FSIP2: variants seen among roughly 807,000 people sequenced by gnomAD.
FSIP2 encodes fibrous sheath interacting protein 2.
In FSIP2, 367 loss-of-function variants were observed where a neutral mutation model predicts 510.5. That is an observed-to-expected ratio of 0.72 (90% CI 0.66 to 0.78). The LOEUF (loss-of-function observed/expected upper bound fraction) is 0.78, where lower values mean the gene tolerates loss of function less well. FSIP2 is among the 30% of genes least tolerant of loss of function. The pLI is 0.00. For missense variants in FSIP2, 7,594 were observed against 7,901.7 expected (o/e 0.96, Z 1.48); for synonymous variants, 2,601 against 2,732.2 (o/e 0.95, Z 1.50).
Position 185,793,577 on chromosome 2 carries a change from T to C in FSIP2, c.6441T>C (p.Val2147=), listed in dbSNP as rs747853496. Residue 2147 remains valine (V), a synonymous_variant, in exon 16 of 23, where the codon GTT becomes GTC. Transcript: ENST00000424728. ...ATAAGATTATTCCTAAGCTTTCAGT[T>C]CCTAAATCAGATGTCATTTTGATAT... ...GANKIIPKLS[V]PKSDVILISN... 8.3e-5 allele frequency: 127 copies of C among 1,534,188 alleles called. No individual in the cohort carries two copies. Among genetic ancestry groups the C allele is most frequent in the Non-Finnish European group, 1.0e-4 (120 of 1,145,666 alleles).
chr2:185,794,805 T>A lies in FSIP2; in HGVS notation c.7669T>A (p.Ser2557Thr). ...GAAAATGTACTTGGTAGTTGTGACA[T>A]CATTATATGAAAATAATAAAAGTAG... is the stretch of plus-strand genomic sequence containing the variant. ...LGKMYLVVVT[S>T]LYENNKSRTE... is the part of the protein sequence containing the mutation. The change falls in exon 16 of 23, where the codon TCA (serine) becomes ACA (threonine). Residue 2557 changes from serine to threonine, a missense_variant. Coordinates refer to ENST00000424728, the MANE Select transcript of FSIP2 (RefSeq NM_173651.4). 2.0e-6 allele frequency: 3 copies of A among 1,532,920 alleles called. No individual in the cohort carries two copies. Among genetic ancestry groups the A allele is most frequent in the Non-Finnish European group, 2.6e-6 (3 of 1,144,762 alleles). 95.0% of individuals were successfully genotyped at this position (1,532,920 alleles called of 1,614,324 possible).
chr2:185,767,304 A>G (rs1692508137), intron 13 of FSIP2, among the ~76,000 whole-genome samples: 1 of 151,628 alleles, frequency 6.6e-6, no homozygotes, highest in African/African-American at 2.4e-5. Context: ...TGTACCCTAA[A>G]ACTTAAAGTA....
chr2:185,823,726 A>T (rs898876313), intron 19 of FSIP2, among the ~76,000 whole-genome samples: 29 of 151,896 alleles, frequency 1.9e-4, no homozygotes, highest in East Asian at 9.8e-4. Context: ...TGATCAAGCA[A>T]TTCTACTTCT....
rs554111494 is a variant in FSIP2, at chr2:185,805,838, C to T, written c.16532C>T (p.Ala5511Val). ...SGMINLTSGL[A>V]TGVTNKKEVD... Reference sequence around the variant, plus strand: ...ATGATTAACCTAACATCAGGGTTGGCTACAGGTGTGACAAATAAAAAGGAA... The same window carrying T: ...ATGATTAACCTAACATCAGGGTTGGTTACAGGTGTGACAAATAAAAAGGAA... Residue 5511 changes from alanine to valine, a missense_variant, in exon 17 of 23, where the codon GCT (alanine) becomes GTT (valine). Ala to Val is a moderately conservative substitution (Grantham distance 64, BLOSUM62 0). Coordinates refer to ENST00000424728, the MANE Select transcript of FSIP2 (RefSeq NM_173651.4). The T allele has an allele frequency of 7.5e-6, 12 of 1,609,098 alleles. No homozygotes were observed. In the South Asian group the frequency reaches 1.0e-4, roughly 13 times the overall value.
At chr2:185,823,854 A>G (rs1328379965) in intron 19 of FSIP2, among the ~76,000 whole-genome samples, 1 of 151,840 alleles carries the variant, frequency 6.6e-6, no homozygotes. Flanking sequence ...AATAAATATA[A>G]ACAAGCAAAA....
At chr2:185,752,782 C>CTGAAA (rs1692173932) in intron 7 of FSIP2, among the ~76,000 whole-genome samples, 1 of 151,156 alleles carries the variant, frequency 6.6e-6, no homozygotes, top group African/African-American at 2.4e-5. Flanking sequence ...TTTTTGAGTC[C>CTGAAA]ATTTCAGTTG....
rs138323576 is a variant in FSIP2 at position 185,832,525 on chromosome 2, G to A, written c.20588-565G>A. On this transcript the variant is annotated intron_variant, in intron 22 of 22. Transcript: ENST00000424728. ...AACACAGGATTTTAGTGGCCCTATC[G>A]CAACTTATTAAGTATCAGAAAAGTA... 9.2e-5 allele frequency among the ~76,000 whole-genome samples: 14 copies of A among 151,748 alleles called. No individual in the cohort carries two copies. In the South Asian group the frequency reaches 1.2e-3, roughly 14 times the overall value.
chr2:185,746,882 C>A, intron 6 of FSIP2, 72 bp downstream of exon 6: 1 of 1,102,132 alleles, frequency 9.1e-7, no homozygotes. Flanking sequence ...ATAATTTTAA[C>A]TGTACATTGT....
chr2:185,813,059 AAAGTGGAGG>A (rs1693766948), intron 17 of FSIP2, among the ~76,000 whole-genome samples: 1 of 152,114 alleles, frequency 6.6e-6, no homozygotes, highest in Non-Finnish European at 1.5e-5. Flanking sequence ...CAAAAGATCA[AAAGTGGAGG>A]AATAGGGAGT....
In FSIP2 at chr2:185,805,436, C is replaced by T; in HGVS notation, c.16130C>T (p.Ala5377Val). ...DIQKGDESNI[A>V]IGMIAALTQK... ...CAAAAAGGTGATGAAAGTAACATTG[C>T]TATAGGGATGATTGCTGCTCTAACC... The change falls in exon 17 of 23, where the codon GCT becomes GTT. Residue 5377 changes from alanine (A) to valine (V), a missense_variant. Coordinates refer to ENST00000424728, the MANE Select transcript of FSIP2 (RefSeq NM_173651.4). The T allele has an allele frequency of 6.2e-7, 1 of 1,609,348 alleles. No individual in the cohort carries two copies. The highest frequency in any genetic ancestry group is 8.5e-7 in the Non-Finnish European group (1 of 1,177,618).
chr2:185,802,387 G>A lies in FSIP2; in HGVS notation c.13081G>A (p.Ala4361Thr). The A allele has an allele frequency of 2.0e-6, 3 of 1,531,982 alleles. No homozygotes were observed. The highest frequency in any genetic ancestry group is 2.6e-6 in the Non-Finnish European group (3 of 1,144,602). 94.9% of individuals were successfully genotyped at this position (1,531,982 alleles called of 1,614,324 possible). A position where few individuals can be genotyped will look rare whatever the true frequency, so the allele number is the denominator to read the frequency against. ...IHILYDDKEQ[A>T]FFSFNTDIVD... ...CATTCTCTATGATGACAAAGAACAG[G>A]CTTTCTTTTCTTTCAATACAGATAT... The change falls in exon 17 of 23, where the codon GCT (alanine) becomes ACT (threonine). Residue 4361 changes from alanine to threonine, a missense_variant. Ala to Thr is a moderately conservative substitution (Grantham distance 58, BLOSUM62 0). Coordinates refer to ENST00000424728, the MANE Select transcript of FSIP2 (RefSeq NM_173651.4).
At chr2:185,823,092 C>T (rs1165035455) in intron 19 of FSIP2, among the ~76,000 whole-genome samples, 1 of 151,736 alleles carries the variant, frequency 6.6e-6, no homozygotes, top group Non-Finnish European at 1.5e-5. Context: ...AACATAAGAA[C>T]TAAAAAAACT....
In FSIP2 at chr2:185,790,656, G is replaced by C; in HGVS notation, c.3520G>C (p.Val1174Leu). Residue 1174 changes from valine (V) to leucine (L), a missense_variant, in exon 16 of 23, where the codon GTG (valine) becomes CTG (leucine). Coordinates refer to ENST00000424728, the MANE Select transcript of FSIP2 (RefSeq NM_173651.4). ...STVAQEITDS[V>L]LNILHKASNY... ...AGTGGCTCAAGAAATAACAGATTCTGTGTTAAACATACTTCATAAGGCATC... is the reference window on the plus strand; with the variant it reads ...AGTGGCTCAAGAAATAACAGATTCTCTGTTAAACATACTTCATAAGGCATC... 1 of 1,533,902 alleles carries C rather than the reference G, an allele frequency of 6.5e-7. No individual in the cohort carries two copies. The highest frequency in any genetic ancestry group is 8.7e-7 in the Non-Finnish European group (1 of 1,145,340).
chr2:185,770,564 T>G (rs748645873), intron 13 of FSIP2, among the ~76,000 whole-genome samples: 7 of 152,056 alleles, frequency 4.6e-5, no homozygotes, highest in Non-Finnish European at 7.4e-5. Context: ...ACAAAGTCAT[T>G]TATGGGGGAT....
intron 13 of FSIP2, chr2:185,765,164 A>G (rs2105564030): frequency 6.6e-6 from 1 of 152,118 alleles, no homozygotes; most frequent in East Asian, 1.9e-4. Context: ...TTCTCAGCTT[A>G]CAATATTTTT....
At position 185,792,441 on chromosome 2, in the gene FSIP2, C is replaced by T; in HGVS notation, c.5305C>T (p.Leu1769Phe). Residue 1769 changes from leucine (L) to phenylalanine (F), a missense_variant, in exon 16 of 23, where the codon CTC becomes TTC. Transcript: ENST00000424728. ...EKTLNKIEVK[L>F]KEPHISPIAP... ...AACCTTAAACAAAATTGAAGTAAAA[C>T]TCAAAGAACCACATATATCTCCAAT... The T allele has an allele frequency of 6.5e-7, 1 of 1,532,732 alleles. No homozygotes were observed. Among genetic ancestry groups the T allele is most frequent in the Non-Finnish European group, 8.7e-7 (1 of 1,144,322 alleles). The allele number at this position is 1,532,732 out of a possible 1,614,324, so 94.9% of individuals were successfully genotyped here. A position where few individuals can be genotyped will look rare whatever the true frequency, so the allele number is the denominator to read the frequency against.
chr2:185,813,898 T>C lies in FSIP2; in HGVS notation c.20181T>C (p.Ile6727=). 6.2e-7 allele frequency: 1 copy of C among 1,613,700 alleles called. No homozygotes were observed. The highest frequency in any genetic ancestry group is 8.5e-7 in the Non-Finnish European group (1 of 1,179,786). The part of the protein sequence containing the change: ...KCCQTTASAN[I]ESTEAISNQV... The stretch of plus-strand genomic sequence containing the variant: ...GTCAGACCACAGCCAGTGCAAATAT[T>C]GAAAGTACTGAAGCAATCTCAAATC... The change falls in exon 18 of 23, where the codon ATT becomes ATC. Residue 6727 remains isoleucine, a synonymous_variant. Transcript: ENST00000424728.
chr2:185,778,199 A>G (rs952324621), intron 13 of FSIP2, among the ~76,000 whole-genome samples: 1 of 151,974 alleles, frequency 6.6e-6, no homozygotes, highest in African/African-American at 2.4e-5. Context: ...AAGCAGATGT[A>G]CTCAGGTAAC....
In FSIP2 at chr2:185,761,070, G is replaced by A; in HGVS notation, c.1161G>A (p.Gln387=). 6.8e-7 allele frequency: 1 copy of A among 1,472,094 alleles called. No homozygotes were observed. Among genetic ancestry groups the A allele is most frequent in the South Asian group, 1.2e-5 (1 of 80,844 alleles). 91.2% of individuals were successfully genotyped at this position (1,472,094 alleles called of 1,614,324 possible). A position where few individuals can be genotyped will look rare whatever the true frequency, so the allele number is the denominator to read the frequency against. The part of the protein sequence containing the change: ...TKKNSASVVY[Q]ADVQDNGINQ... ...AAAACTCAGCTTCTGTTGTTTATCA[G>A]GCAGATGTACAGGATAATGGTATAA... The change falls in exon 10 of 23, where the codon CAG becomes CAA. Residue 387 remains glutamine (Q), a synonymous_variant. Transcript: ENST00000424728.
Sources: allele counts gnomAD v4.1 joint callset (sites outside exome capture counted in the v4.1 genomes callset), GRCh38; gene constraint gnomAD v4.1.1; transcripts MANE v1.5; gene names NCBI Gene and HGNC (gene_info 2026-07-23, HGNC 2026-07-21).